GRID2: variants seen among roughly 807,000 people sequenced by gnomAD.
GRID2 encodes the protein glutamate receptor ionotropic, delta-2.
A neutral mutation model predicts 114.8 loss-of-function variants in GRID2; 33 were observed. The ratio of observed to expected loss-of-function variants is 0.29; its 90% CI spans 0.22 to 0.38. GRID2 has a LOEUF of 0.38. Among genes scored for constraint, GRID2 ranks in the 10% least tolerant of loss-of-function variants. The pLI is 1.00. For missense variants in GRID2, 1,184 were observed against 1,257.7 expected (o/e 0.94, Z 0.89); for synonymous variants, 505 against 449.9 (o/e 1.12, Z -1.55).
intron 3 of GRID2, among the ~76,000 whole-genome samples, chr4:93,100,297 A>T (rs1262050159): frequency 2.0e-5 from 3 of 151,882 alleles, no homozygotes; most frequent in Non-Finnish European, 4.4e-5. Flanking sequence ...GTGATGGGCC[A>T]CTGTTGCCAG....
chr4:92,962,482 T>A (rs1752887031), intron 2 of GRID2, among the ~76,000 whole-genome samples: 1 of 151,906 alleles, frequency 6.6e-6, no homozygotes, highest in African/African-American at 2.4e-5. Context: ...CTTCTCCCAG[T>A]TGGAAGGCTA....
At chr4:93,513,767 A>G in intron 12 of GRID2, among the ~76,000 whole-genome samples, 1 of 152,210 alleles carries the variant, frequency 6.6e-6, no homozygotes, top group South Asian at 2.1e-4. Context: ...GCTGAAAGTT[A>G]CTATTAGAAA....
At chr4:92,391,861 C>T (rs1326591942) in intron 1 of GRID2, among the ~76,000 whole-genome samples, 2 of 152,144 alleles carry the variant, frequency 1.3e-5, no homozygotes, top group African/African-American at 2.4e-5. Flanking sequence ...TCACTCTCTC[C>T]CATTACAGTG....
intron 1 of GRID2, among the ~76,000 whole-genome samples, chr4:92,323,458 GT>G (rs1053379157): frequency 1.2e-4 from 18 of 151,972 alleles, no homozygotes; most frequent in African/African-American, 3.4e-4. Flanking sequence ...TCTCCTAAAA[GT>G]TTTTTTTCCT....
intron 13 of GRID2, among the ~76,000 whole-genome samples, chr4:93,527,412 A>G (rs767192022): frequency 1.3e-5 from 2 of 152,106 alleles, no homozygotes; most frequent in African/African-American, 4.8e-5. Flanking sequence ...TGTTTGGGGG[A>G]AATAAATATA....
intron 8 of GRID2, chr4:93,259,083 T>G (rs1035678719): frequency 6.0e-6 from 2 of 331,632 alleles, no homozygotes; most frequent in African/African-American, 4.3e-5. Context: ...ATTTTTCCCT[T>G]TTGCTTTAAG....
chr4:92,822,293 G>A, intron 2 of GRID2: 1 of 604,802 alleles, frequency 1.7e-6, no homozygotes. Context: ...GGCATGGCCA[G>A]CATTGCCTCC....
chr4:92,870,246 A>G (rs1035669552), intron 2 of GRID2, among the ~76,000 whole-genome samples: 1 of 151,142 alleles, frequency 6.6e-6, no homozygotes, highest in Non-Finnish European at 1.5e-5. Context: ...TATATATATA[A>G]TATATTAAGT....
chr4:93,504,184 A>T (rs989422539), intron 12 of GRID2, among the ~76,000 whole-genome samples: 2 of 152,030 alleles, frequency 1.3e-5, no homozygotes, highest in Non-Finnish European at 2.9e-5. Flanking sequence ...TAGAGGAAAA[A>T]AATCACAAAT....
Position 93,167,912 on chromosome 4 carries a change from G to A in GRID2, c.736-39492G>A, listed in dbSNP as rs562397331. Among the ~76,000 whole-genome samples, 281 of 152,160 alleles carry A rather than the reference G, an allele frequency of 1.8e-3. 1 individual carries two copies. Among genetic ancestry groups the A allele is most frequent in the African/African-American group, 6.4e-3 (267 of 41,524 alleles). ...AGTATATAAATATAAACATATATATGGTTGGGTGCAGTGGCTCACACCTGT... is the reference window on the plus strand; with the variant it reads ...AGTATATAAATATAAACATATATATAGTTGGGTGCAGTGGCTCACACCTGT... On this transcript the variant is annotated intron_variant, in intron 4 of 15. Transcript: ENST00000282020.
intron 1 of GRID2, among the ~76,000 whole-genome samples, chr4:93,787,126 T>C (rs1313606076): frequency 2.0e-5 from 3 of 151,716 alleles, no homozygotes; most frequent in Non-Finnish European, 2.9e-5. Flanking sequence ...CTGCATCCAG[T>C]TGGCAGATGA....
At chr4:93,532,637 A>T (rs1731563540) in intron 13 of GRID2, among the ~76,000 whole-genome samples, 2 of 152,128 alleles carry the variant, frequency 1.3e-5, no homozygotes, top group South Asian at 4.1e-4. Context: ...AAATATCAAT[A>T]TTCTCCTGCA....
chr4:93,772,492 C>A lies in GRID2; in HGVS notation c.3018C>A (p.Ser1006=). 6.4e-7 allele frequency: 1 copy of A among 1,573,982 alleles called. No homozygotes were observed. Among genetic ancestry groups the A allele is most frequent in the Admixed American group, 1.8e-5 (1 of 54,244 alleles). The change falls in exon 16 of 16, where the codon TCC becomes TCA. Residue 1006 remains serine, a synonymous_variant. Transcript: ENST00000282020. Reference sequence around the variant, plus strand: ...GTAATGATCCAGACCGAGGCACCTCCATATGAGCATCAAACAAATCTCTTC... The same window carrying A: ...GTAATGATCCAGACCGAGGCACCTCAATATGAGCATCAAACAAATCTCTTC... ...NLGNDPDRGT[S]I
chr4:92,654,366 C>G (rs186066271), intron 2 of GRID2, among the ~76,000 whole-genome samples: 2 of 152,062 alleles, frequency 1.3e-5, no homozygotes, highest in South Asian at 2.1e-4. Flanking sequence ...CTTCTAATAC[C>G]ATCACACTAG....
chr4:93,118,406 T>G (rs1733479625), intron 4 of GRID2, among the ~76,000 whole-genome samples: 1 of 152,234 alleles, frequency 6.6e-6, no homozygotes, highest in East Asian at 1.9e-4. Flanking sequence ...AAGGGACGTT[T>G]AAGACCAGTT....
intron 8 of GRID2, among the ~76,000 whole-genome samples, chr4:93,359,708 T>A (rs1429269803): frequency 2.1e-5 from 3 of 145,592 alleles, no homozygotes; most frequent in African/African-American, 7.5e-5. Flanking sequence ...AACATAATGA[T>A]CTCTGGGCTT....
chr4:92,607,871 A>G (rs776707219), intron 2 of GRID2, among the ~76,000 whole-genome samples: 8 of 151,912 alleles, frequency 5.3e-5, no homozygotes, highest in Non-Finnish European at 1.0e-4. Context: ...AAGATGAAAA[A>G]TGTGTGCGTA....
intron 1 of GRID2, among the ~76,000 whole-genome samples, chr4:92,546,651 C>T (rs17319672): frequency 0.067 from 10,271 of 152,182 alleles, 393 homozygotes; most frequent in Middle Eastern, 0.17. Context: ...AGAAATGCAC[C>T]TTAGTAAACT....
intron 2 of GRID2, among the ~76,000 whole-genome samples, chr4:92,910,546 TA>T (rs1474377388): frequency 6.6e-5 from 10 of 152,136 alleles, no homozygotes; most frequent in Admixed American, 5.2e-4. Flanking sequence ...AGTTGAGAGA[TA>T]AGGAACTGTA....
Sources: gnomAD v4.1 joint callset for allele counts (sites outside exome capture counted in the v4.1 genomes callset) on GRCh38, gnomAD v4.1.1 for gene constraint, MANE v1.5 for transcripts, NCBI Gene and HGNC (gene_info 2026-07-23, HGNC 2026-07-21) for gene names.